PDIA4: variants seen among roughly 807,000 people sequenced by gnomAD.
PDIA4 encodes protein disulfide isomerase family A member 4.
In PDIA4, 33 loss-of-function variants were observed where a neutral mutation model predicts 62.1. The ratio of observed to expected loss-of-function variants is 0.53; its 90% confidence interval spans 0.40 to 0.71. The LOEUF is 0.71. PDIA4 is among the 30% of genes least tolerant of loss of function. The probability of loss-of-function intolerance (pLI) is 0.00; values close to 1 mark genes in which losing one functional copy is unlikely to be tolerated. For synonymous variants in PDIA4, 341 were observed against 324.1 expected (o/e 1.05, Z -0.56); for missense variants, 804 against 813.6 (o/e 0.99, Z 0.14).
At position 149,028,414 on chromosome 7, in the gene PDIA4, C is replaced by T; in HGVS notation, c.-6G>A. On this transcript the variant is annotated 5_prime_UTR_variant, in exon 1 of 10. Coordinates refer to ENST00000652332, the MANE Select transcript of PDIA4 (RefSeq NM_004911.5). ...AAGGCTTTCCGGGGCCTCATGGTAGCGGGGGCGGAGCGCGGCCTCCTAGCG... is the reference window on the plus strand; with the variant it reads ...AAGGCTTTCCGGGGCCTCATGGTAGTGGGGGCGGAGCGCGGCCTCCTAGCG... 1 of 1,493,768 alleles carries T rather than the reference C, an allele frequency of 6.7e-7. No homozygotes were observed. Among genetic ancestry groups the T allele is most frequent in the Non-Finnish European group, 8.9e-7 (1 of 1,121,354 alleles). 92.5% of individuals were successfully genotyped at this position (1,493,768 alleles called of 1,614,324 possible).
chr7:149,017,950 G>A (rs1824200212), intron 3 of PDIA4, among the ~76,000 whole-genome samples: 1 of 151,966 alleles, frequency 6.6e-6, no homozygotes, highest in South Asian at 2.1e-4. Flanking sequence ...AAATTATTGG[G>A]CGGGCGTGGT....
chr7:149,012,103 G>A, intron 5 of PDIA4, 52 bp downstream of exon 5: 29 of 1,610,064 alleles, frequency 1.8e-5, no homozygotes, highest in Non-Finnish European at 2.5e-5. Flanking sequence ...GCAGCTTCCT[G>A]TTAGGGAGTT....
intron 1 of PDIA4, among the ~76,000 whole-genome samples, chr7:149,021,465 G>C (rs1824352688): frequency 6.8e-6 from 1 of 147,300 alleles, no homozygotes; most frequent in South Asian, 2.2e-4. Flanking sequence ...TTCCAGCCTG[G>C]GTGACAGAGT....
In PDIA4 at chr7:149,003,750, C is replaced by T. The variant is rs781089599; in HGVS notation, c.*44G>A. 1.2e-5 allele frequency: 18 copies of T among 1,452,092 alleles called. No individual in the cohort carries two copies. The highest frequency in any genetic ancestry group is 1.5e-5 in the South Asian group (1 of 65,408). The allele number at this position is 1,452,092 out of a possible 1,614,324, so 90.0% of individuals were successfully genotyped here. A position where few individuals can be genotyped will look rare whatever the true frequency, so the allele number is the denominator to read the frequency against. ...GCGTGGACGCCCCGACCATGGGCCA[C>T]GCAGGGCGTCTGCCTCCTCCCACCT... On this transcript the variant is annotated 3_prime_UTR_variant, in exon 10 of 10. Transcript: ENST00000652332.
chr7:149,026,798 A>AG (rs1286999070), intron 1 of PDIA4, among the ~76,000 whole-genome samples: 14 of 128,414 alleles, frequency 1.1e-4, no homozygotes, highest in African/African-American at 4.5e-4. Context: ...AACCTTATCT[A>AG]GGAAAAAAAA....
At chr7:149,005,859 ACCCCCCAC>A in intron 8 of PDIA4, 30 bp downstream of exon 8, 2 of 1,429,868 alleles carry the variant, frequency 1.4e-6, no homozygotes, top group Non-Finnish European at 1.8e-6. Context: ...GAGTCCCCCC[ACCCCCCAC>A]CCCCGCAGGT....
chr7:149,003,648 A>G lies in PDIA4; in HGVS notation c.*146T>C. On this transcript the variant is annotated 3_prime_UTR_variant, in exon 10 of 10. Transcript: ENST00000652332. ...ATGGTTATTCAGTATTCAGAGCATGAAGTGAAACACCAAAGTATAAAAAAT... is the reference window on the plus strand; with the variant it reads ...ATGGTTATTCAGTATTCAGAGCATGGAGTGAAACACCAAAGTATAAAAAAT... The G allele has an allele frequency of 1.9e-6, 1 of 533,310 alleles. No homozygotes were observed. Among genetic ancestry groups the G allele is most frequent in the South Asian group, 3.8e-5 (1 of 26,194 alleles). The allele number at this position is 533,310 out of a possible 1,614,324, so 33.0% of individuals were successfully genotyped here.
At chr7:149,008,438 C>A in intron 6 of PDIA4, 128 bp from the exon 7 acceptor site, 1 of 885,768 alleles carries the variant, frequency 1.1e-6, no homozygotes, top group Non-Finnish European at 1.7e-6. Flanking sequence ...CGGTGGCTCA[C>A]GCCTGTAATC....
intron 3 of PDIA4, among the ~76,000 whole-genome samples, chr7:149,017,216 T>C (rs2129505058): frequency 6.6e-6 from 1 of 152,286 alleles, no homozygotes; most frequent in African/African-American, 2.4e-5. Flanking sequence ...TTTTTTTTTT[T>C]TTCTGCCAGT....
chr7:149,013,162 C>T (rs1037645176), intron 4 of PDIA4, among the ~76,000 whole-genome samples: 4 of 152,158 alleles, frequency 2.6e-5, no homozygotes, highest in Non-Finnish European at 4.4e-5. Context: ...ACAGGAGTAT[C>T]GCTTGAACCC....
intron 3 of PDIA4, among the ~76,000 whole-genome samples, chr7:149,015,628 G>T (rs1288733033): frequency 1.3e-5 from 2 of 152,122 alleles, no homozygotes; most frequent in African/African-American, 4.8e-5. Flanking sequence ...GGACTCCAGG[G>T]CTGGAGTGGA....
chr7:149,014,662 C>G (rs1824067354), intron 4 of PDIA4, among the ~76,000 whole-genome samples: 1 of 152,202 alleles, frequency 6.6e-6, no homozygotes, highest in South Asian at 2.1e-4. Flanking sequence ...CTGCCATCTT[C>G]TTTCCTTTGG....
intron 1 of PDIA4, among the ~76,000 whole-genome samples, chr7:149,023,675 G>C (rs1201779875): frequency 1.3e-5 from 2 of 152,142 alleles, no homozygotes; most frequent in African/African-American, 2.4e-5. Flanking sequence ...AACTCTTCCA[G>C]GTAGGAATCA....
In PDIA4 at chr7:149,003,566, AATG is replaced by A. The variant is rs1044673310; in HGVS notation, c.*225_*227del. On this transcript the variant is annotated 3_prime_UTR_variant, in exon 10 of 10. Coordinates refer to ENST00000652332, the MANE Select transcript of PDIA4 (RefSeq NM_004911.5). Reference sequence around the variant, plus strand: ...AAAAAAAATTTTTCAAACCCCAAATAATGATAAAAATAGATGTATCCTCTGTAA... The same window carrying A: ...AAAAAAAATTTTTCAAACCCCAAATAATAAAAATAGATGTATCCTCTGTAA... 1.8e-5 allele frequency: 7 copies of A among 386,542 alleles called. No individual in the cohort carries two copies. The highest frequency in any genetic ancestry group is 1.8e-5 in the Non-Finnish European group (4 of 220,292). 23.9% of individuals were successfully genotyped at this position (386,542 alleles called of 1,614,324 possible). A position where few individuals can be genotyped will look rare whatever the true frequency, so the allele number is the denominator to read the frequency against.
In PDIA4 at chr7:149,008,152, C is replaced by T. The variant is rs147888989; in HGVS notation, c.1131+7G>A. The T allele has an allele frequency of 8.1e-5, 131 of 1,612,544 alleles. No homozygotes were observed. The East Asian group carries it at 8.7e-4, about 11-fold the overall frequency. On this transcript the variant is annotated splice_region_variant and intron_variant, in intron 7 of 9. Coordinates refer to ENST00000652332, the MANE Select transcript of PDIA4 (RefSeq NM_004911.5). ...CCAGGGCTGGCATGGCAGAGGGGCC[C>T]GCTTACCTGGACGTCCATCATGTGG...
intron 3 of PDIA4, among the ~76,000 whole-genome samples, chr7:149,018,516 C>G (rs1487465093): frequency 6.6e-6 from 1 of 152,072 alleles, no homozygotes; most frequent in Non-Finnish European, 1.5e-5. Context: ...ACCGCAACCT[C>G]CGCTTCGTAG....
chr7:149,013,922 C>T (rs1356247990), intron 4 of PDIA4, among the ~76,000 whole-genome samples: 1 of 152,176 alleles, frequency 6.6e-6, no homozygotes, highest in Non-Finnish European at 1.5e-5. Context: ...CTCCCTCTCA[C>T]ACCTCCCACC....
intron 3 of PDIA4, among the ~76,000 whole-genome samples, chr7:149,018,276 T>C (rs969457232): frequency 2.0e-5 from 3 of 152,082 alleles, no homozygotes; most frequent in Admixed American, 1.3e-4. Context: ...TGACTTGTAC[T>C]GTATCTGGCC....
chr7:149,025,216 C>T (rs980086785), intron 1 of PDIA4, among the ~76,000 whole-genome samples: 1 of 151,932 alleles, frequency 6.6e-6, no homozygotes, highest in African/African-American at 2.4e-5. Context: ...ATGCTAAGGC[C>T]TCTCCTGAAG....
Sources: allele counts gnomAD v4.1 joint callset (sites outside exome capture counted in the v4.1 genomes callset), GRCh38; gene constraint gnomAD v4.1.1; transcripts MANE v1.5; gene names NCBI Gene and HGNC (gene_info 2026-07-23, HGNC 2026-07-21).